The following CHP1 variants were observed in gnomAD, a reference collection of about 807,000 sequenced individuals.
The protein encoded by CHP1 is calcineurin like EF-hand protein 1.
Under a neutral mutation model 27.4 loss-of-function variants are expected in CHP1, and 11 were observed. That is an observed-to-expected ratio of 0.40 (90% confidence interval 0.25 to 0.67). CHP1 has a LOEUF of 0.67. Ranked by LOEUF, CHP1 falls within the 30% of genes least tolerant of loss-of-function variation. CHP1 has a pLI of 0.38. For missense variants in CHP1, 169 were observed against 251.3 expected, an observed-to-expected ratio of 0.67 and a Z score of 2.22; for synonymous variants, 89 against 87.4, an observed-to-expected ratio of 1.02 and a Z score of -0.10.
At chr15:41,245,056 C>A (rs1741641013) in intron 2 of CHP1, among the ~76,000 whole-genome samples, 1 of 152,146 alleles carries the variant, frequency 6.6e-6, no homozygotes, top group African/African-American at 2.4e-5. Context: ...GTTAAGCATA[C>A]CTATTAAGCA....
intron 1 of CHP1, among the ~76,000 whole-genome samples, chr15:41,238,161 G>T (rs11857726): frequency 6.6e-6 from 1 of 151,508 alleles, no homozygotes; most frequent in South Asian, 2.1e-4. Context: ...TTTTTTTGGC[G>T]TGTGTTTTTT....
intron 4 of CHP1, among the ~76,000 whole-genome samples, chr15:41,269,327 G>A (rs2047477509): frequency 6.6e-6 from 1 of 152,086 alleles, no homozygotes; most frequent in Non-Finnish European, 1.5e-5. Flanking sequence ...TACCTTACAA[G>A]GAGTAAATTA....
chr15:41,252,255 C>T (rs1014661877), intron 2 of CHP1, among the ~76,000 whole-genome samples: 12 of 151,660 alleles, frequency 7.9e-5, no homozygotes, highest in Admixed American at 3.3e-4. Flanking sequence ...CTGCAACCTC[C>T]GCCTCCCGGG....
chr15:41,263,882 G>C (rs60840902), intron 4 of CHP1, among the ~76,000 whole-genome samples: 1 of 152,214 alleles, frequency 6.6e-6, no homozygotes, highest in South Asian at 2.1e-4. Flanking sequence ...ACAAAGAAAA[G>C]AAAACAAAAC....
intron 4 of CHP1, among the ~76,000 whole-genome samples, chr15:41,265,360 T>A (rs1256966848): frequency 1.2e-5 from 1 of 83,254 alleles, no homozygotes; most frequent in Non-Finnish European, 2.1e-5. Context: ...CGAGACTCTG[T>A]CTCAAAAAAA....
chr15:41,257,662 C>T (rs1443474773), intron 3 of CHP1, among the ~76,000 whole-genome samples: 1 of 151,926 alleles, frequency 6.6e-6, no homozygotes, highest in African/African-American at 2.4e-5. Context: ...CGGGTTCAAG[C>T]GATTCTCCTG....
chr15:41,236,664 A>G, intron 1 of CHP1, among the ~76,000 whole-genome samples: 1 of 152,084 alleles, frequency 6.6e-6, no homozygotes, highest in East Asian at 1.9e-4. Context: ...GCGAAGATAT[A>G]AGCTTTATTT....
intron 3 of CHP1, among the ~76,000 whole-genome samples, chr15:41,262,158 GT>G (rs926546116): frequency 4.0e-5 from 6 of 151,858 alleles, no homozygotes; most frequent in African/African-American, 1.5e-4. Flanking sequence ...GCAAGACTCT[GT>G]CTCAAAATAA....
intron 1 of CHP1, among the ~76,000 whole-genome samples, chr15:41,243,359 A>G (rs898806794): frequency 6.6e-6 from 1 of 152,194 alleles, no homozygotes; most frequent in Non-Finnish European, 1.5e-5. Context: ...AGGATGGGAT[A>G]GGATAGGACA....
rs1487398794 is a variant in CHP1, at chr15:41,279,491, A to G, written c.*102A>G. The G allele has an allele frequency of 3.1e-6, 3 of 955,534 alleles. No individual in the cohort carries two copies. The highest frequency in any genetic ancestry group is 3.3e-5 in the African/African-American group (2 of 61,344). The allele number at this position is 955,534 out of a possible 1,614,324, so 59.2% of individuals were successfully genotyped here. A position where few individuals can be genotyped will look rare whatever the true frequency, so the allele number is the denominator to read the frequency against. On this transcript the variant is annotated 3_prime_UTR_variant, in exon 7 of 7. Transcript: ENST00000334660. The stretch of plus-strand genomic sequence containing the variant: ...CCACCCCCTCATTCCCCTTCTCCCA[A>G]AGTACTACTGCTGTTGCATGACAAC...
intron 4 of CHP1, 104 bp from the exon 5 acceptor site, chr15:41,270,453 T>C: frequency 1.2e-6 from 1 of 828,592 alleles, no homozygotes. Flanking sequence ...GGAAAATCGA[T>C]TAATTGGCTG....
At chr15:41,254,647 C>G (rs982096192) in intron 2 of CHP1, among the ~76,000 whole-genome samples, 4 of 152,108 alleles carry the variant, frequency 2.6e-5, no homozygotes, top group African/African-American at 9.7e-5. Flanking sequence ...GACTAGAATC[C>G]AGGATGATTG....
intron 5 of CHP1, among the ~76,000 whole-genome samples, chr15:41,276,880 G>A (rs1004822478): frequency 6.6e-6 from 1 of 152,178 alleles, no homozygotes; most frequent in African/African-American, 2.4e-5. Flanking sequence ...CCTAACTGAT[G>A]TCCAGGAACC....
intron 3 of CHP1, among the ~76,000 whole-genome samples, chr15:41,257,986 C>T (rs1333733150): frequency 6.6e-6 from 1 of 152,164 alleles, no homozygotes; most frequent in Non-Finnish European, 1.5e-5. Flanking sequence ...TATTGAACAG[C>T]GCAGCTTGTA....
intron 4 of CHP1, among the ~76,000 whole-genome samples, chr15:41,263,195 T>C (rs2047442148): frequency 6.6e-6 from 1 of 152,236 alleles, no homozygotes; most frequent in African/African-American, 2.4e-5. Flanking sequence ...GTGCCTGGCA[T>C]ATACTAGGTA....
chr15:41,232,654 T>G (rs1454719281), intron 1 of CHP1, among the ~76,000 whole-genome samples: 3 of 152,224 alleles, frequency 2.0e-5, no homozygotes, highest in Non-Finnish European at 4.4e-5. Context: ...ACAATTGTAT[T>G]GATGCATACA....
At chr15:41,266,618 G>A (rs1042469080) in intron 4 of CHP1, among the ~76,000 whole-genome samples, 3 of 152,106 alleles carry the variant, frequency 2.0e-5, no homozygotes, top group African/African-American at 4.8e-5. Flanking sequence ...GAATCCAAAA[G>A]GTAGAAGCAA....
chr15:41,245,001 G>A lies in CHP1; in HGVS notation c.140+1262G>A, dbSNP rs1262387005. ...GAATACAGTTGCTAAGCCTTTGGAC[G>A]TAATCATCACCCCAAATGGAAACCC... On this transcript the variant is annotated intron_variant, in intron 2 of 6. Coordinates refer to ENST00000334660, the MANE Select transcript of CHP1 (RefSeq NM_007236.5). 2.0e-5 allele frequency among the ~76,000 whole-genome samples: 3 copies of A among 152,114 alleles called. 1 individual carries two copies. The highest frequency in any genetic ancestry group is 3.8e-4 in the East Asian group (2 of 5,200).
chr15:41,240,019 G>A (rs900961551), intron 1 of CHP1, among the ~76,000 whole-genome samples: 4 of 151,658 alleles, frequency 2.6e-5, no homozygotes, highest in South Asian at 2.1e-4. Context: ...CTCGTGATCC[G>A]CCCGCCTCGG....
Sources: gnomAD v4.1 joint callset for allele counts (sites outside exome capture counted in the v4.1 genomes callset) on GRCh38, gnomAD v4.1.1 for gene constraint, MANE v1.5 for transcripts, NCBI Gene and HGNC (gene_info 2026-07-23, HGNC 2026-07-21) for gene names.